Variants in ZNF384 observed in about 807,000 individuals in gnomAD.
ZNF384 encodes the protein zinc finger protein 384.
Under a neutral mutation model 65.0 loss-of-function variants are expected in ZNF384, and 20 were observed. That is an observed-to-expected ratio of 0.31 (90% CI 0.22 to 0.45). ZNF384 has a LOEUF of 0.45. Ranked by LOEUF, ZNF384 falls within the 20% of genes least tolerant of loss-of-function variation. The pLI is 1.00. For synonymous variants in ZNF384, 310 were observed against 303.9 expected (o/e 1.02, Z -0.21); for missense variants, 549 against 769.4 (o/e 0.71, Z 3.39).
In ZNF384 at chr12:6,667,840, G is replaced by A; in HGVS notation, c.1701C>T (p.Ser567=). Residue 567 remains serine (S), a synonymous_variant, in exon 12 of 12, where the codon AGC becomes AGT. Transcript: ENST00000683879. ...AACACTGGGGTGGAGGGTTGGGATT[G>A]CTGTCCCCACCACCCCCACCCTGGG... ...AAPQGGGGGD[S]NPNPPPQCSF... 1.2e-6 allele frequency: 2 copies of A among 1,614,216 alleles called. No homozygotes were observed. Among genetic ancestry groups the A allele is most frequent in the Non-Finnish European group, 1.7e-6 (2 of 1,180,036 alleles).
intron 2 of ZNF384, among the ~76,000 whole-genome samples, chr12:6,685,987 T>C (rs912394045): frequency 1.8e-4 from 27 of 152,310 alleles, no homozygotes; most frequent in Admixed American, 1.6e-3. Context: ...GAGCTTTGTC[T>C]ATCTGACCAC....
chr12:6,678,299 G>C lies in ZNF384; in HGVS notation c.514C>G (p.Leu172Val). 6.2e-7 allele frequency: 1 copy of C among 1,614,156 alleles called. No homozygotes were observed. Among genetic ancestry groups the C allele is most frequent in the Non-Finnish European group, 8.5e-7 (1 of 1,180,030 alleles). The part of the protein sequence containing the change: ...PDLSKKVAST[L>V]TEEGGGGGGG... ...CCACCTCCGCCTCCTTCCTCGGTTA[G>C]GGTCGATGCTACCTTCTTGGAGAGG... The change falls in exon 6 of 12, where the codon CTA (leucine) becomes GTA (valine). Residue 172 changes from leucine to valine, a missense_variant. Coordinates refer to ENST00000683879, the MANE Select transcript of ZNF384 (RefSeq NM_001385745.1). This position sits in a 1 kb window ranked among gnomAD's most constrained non-coding sequence, Gnocchi z 4.9.
chr12:6,679,401 G>A, intron 3 of ZNF384, 54 bp downstream of exon 3: 1 of 1,536,782 alleles, frequency 6.5e-7, no homozygotes, highest in Non-Finnish European at 9.0e-7. Context: ...AGTCTCCATA[G>A]TAACAGAACT....
chr12:6,667,106 GACC>G lies in ZNF384; in HGVS notation c.*605_*607del, dbSNP rs769455609. The G allele has an allele frequency of 4.3e-6, 1 of 235,262 alleles. No homozygotes were observed. Among genetic ancestry groups the G allele is most frequent in the Non-Finnish European group, 8.4e-6 (1 of 118,428 alleles). 14.6% of individuals were successfully genotyped at this position (235,262 alleles called of 1,614,324 possible). A position where few individuals can be genotyped will look rare whatever the true frequency, so the allele number is the denominator to read the frequency against. ...ACTTGGGAATTTCTGGCCCCTTGGG[GACC>G]ACATCTCAGCCCTTGCCCCCTTCAA... is the stretch of plus-strand genomic sequence containing the variant. On this transcript the variant is annotated 3_prime_UTR_variant, in exon 12 of 12. Coordinates refer to ENST00000683879, the MANE Select transcript of ZNF384 (RefSeq NM_001385745.1).
chr12:6,671,723 T>C (rs1443903479), intron 9 of ZNF384: 1 of 152,540 alleles, frequency 6.6e-6, no homozygotes, highest in Admixed American at 6.5e-5. Context: ...AGATCATCAC[T>C]TCTAGTTGGC....
chr12:6,682,693 C>A (rs1956476557), intron 2 of ZNF384, among the ~76,000 whole-genome samples: 1 of 152,116 alleles, frequency 6.6e-6, no homozygotes, highest in Non-Finnish European at 1.5e-5. Context: ...CGTTTTCAGG[C>A]AACAGAATCA....
Position 6,666,799 on chromosome 12 carries a change from T to A in ZNF384, c.*915A>T, listed in dbSNP as rs1230374313. 1 of 171,278 alleles carries A rather than the reference T, an allele frequency of 5.8e-6. No homozygotes were observed. The highest frequency in any genetic ancestry group is 2.4e-5 in the African/African-American group (1 of 41,608). The allele number at this position is 171,278 out of a possible 1,614,324, so 10.6% of individuals were successfully genotyped here. A position where few individuals can be genotyped will look rare whatever the true frequency, so the allele number is the denominator to read the frequency against. On this transcript the variant is annotated 3_prime_UTR_variant, in exon 12 of 12. Coordinates refer to ENST00000683879, the MANE Select transcript of ZNF384 (RefSeq NM_001385745.1). ...TTACAACAAAGATGGCCGTGATGAG[T>A]GAGTATAATATATTTATATATATAT...
At position 6,669,021 on chromosome 12, in the gene ZNF384, G is replaced by C; in HGVS notation, c.1425+10C>G. 1.1e-5 allele frequency: 18 copies of C among 1,594,826 alleles called. No individual in the cohort carries two copies. Among genetic ancestry groups the C allele is most frequent in the Non-Finnish European group, 1.5e-5 (18 of 1,166,758 alleles). Reference sequence around the variant, plus strand: ...ACTATGAGGAAGGAGAGAAGAAACGGAGCACTCACTGATGTGTATGCCCGA... The same window carrying C: ...ACTATGAGGAAGGAGAGAAGAAACGCAGCACTCACTGATGTGTATGCCCGA... On this transcript the variant is annotated intron_variant, in intron 11 of 11. Transcript: ENST00000683879.
At chr12:6,685,776 C>CAAAAAA (rs778337408) in intron 2 of ZNF384, among the ~76,000 whole-genome samples, 28 of 43,168 alleles carry the variant, frequency 6.5e-4, no homozygotes, top group African/African-American at 2.1e-3. Context: ...GACTCAGTCT[C>CAAAAAA]AAAAAAAAAA....
chr12:6,680,312 G>T (rs1185105574), intron 2 of ZNF384, among the ~76,000 whole-genome samples: 1 of 152,042 alleles, frequency 6.6e-6, no homozygotes, highest in Admixed American at 6.6e-5. Context: ...GTTCTGTGTA[G>T]TTTGAGAAGG....
chr12:6,672,619 T>C lies in ZNF384; in HGVS notation c.1005-87A>G. 7.3e-7 allele frequency: 1 copy of C among 1,373,506 alleles called. No homozygotes were observed. The highest frequency in any genetic ancestry group is 1.0e-6 in the Non-Finnish European group (1 of 995,996). 85.1% of individuals were successfully genotyped at this position (1,373,506 alleles called of 1,614,324 possible). A position where few individuals can be genotyped will look rare whatever the true frequency, so the allele number is the denominator to read the frequency against. ...TCTCTGCTGGGTGAAATGACGTTGC[T>C]TGACGGATGAGAGCACCCCCTTCCT... On this transcript the variant is annotated intron_variant, in intron 8 of 11. Coordinates refer to ENST00000683879, the MANE Select transcript of ZNF384 (RefSeq NM_001385745.1). This position sits in a 1 kb window ranked among gnomAD's most constrained non-coding sequence, Gnocchi z 4.4.
chr12:6,679,639 T>TG (rs1955149998), intron 2 of ZNF384, 114 bp from the exon 3 acceptor site: 2 of 763,506 alleles, frequency 2.6e-6, no homozygotes, highest in Non-Finnish European at 4.4e-6. Context: ...ATCACATGGC[T>TG]GGGGACTGGC....
chr12:6,686,519 G>A (rs562791063), intron 2 of ZNF384, among the ~76,000 whole-genome samples: 17 of 152,238 alleles, frequency 1.1e-4, no homozygotes, highest in Non-Finnish European at 2.5e-4. Context: ...CTCCCAAAGT[G>A]CTGAGATTAC....
At chr12:6,684,603 G>C (rs981479242) in intron 2 of ZNF384, among the ~76,000 whole-genome samples, 1 of 152,094 alleles carries the variant, frequency 6.6e-6, no homozygotes, top group African/African-American at 2.4e-5. Context: ...TCTGGTCCAA[G>C]GACAAGACAC....
At chr12:6,674,627 G>A (rs548778432) in intron 7 of ZNF384, among the ~76,000 whole-genome samples, 1 of 152,216 alleles carries the variant, frequency 6.6e-6, no homozygotes, top group Non-Finnish European at 1.5e-5. Context: ...TTGCAGGAGA[G>A]AGGGGGAGGC....
chr12:6,678,715 A>G lies in ZNF384; in HGVS notation c.305-5T>C. 6.2e-7 allele frequency: 1 copy of G among 1,613,940 alleles called. No homozygotes were observed. The highest frequency in any genetic ancestry group is 8.5e-7 in the Non-Finnish European group (1 of 1,179,934). Reference sequence around the variant, plus strand: ...ACCTCTGAGAACAGGAGACTCCTTGATTCAGAGAAGGAAAGAATGTCACCT... The same window carrying G: ...ACCTCTGAGAACAGGAGACTCCTTGGTTCAGAGAAGGAAAGAATGTCACCT... On this transcript the variant is annotated splice_region_variant and splice_polypyrimidine_tract_variant and intron_variant, in intron 4 of 11. Transcript: ENST00000683879. This position sits in a 1 kb window ranked among gnomAD's most constrained non-coding sequence, Gnocchi z 4.9.
At position 6,667,964 on chromosome 12, in the gene ZNF384, T is replaced by C. The variant is rs766619712; in HGVS notation, c.1577A>G (p.Gln526Arg). ...QAQAQAQAQA[Q>R]ASQASQQQQQ... ...CTGCTGCTGTGATGCCTGGGAGGCC[T>C]GGGCCTGGGCCTGGGCTTGAGCCTG... Residue 526 changes from glutamine (Q) to arginine (R), a missense_variant, in exon 12 of 12, where the codon CAG becomes CGG. Physicochemically the swap from Gln to Arg is conservative, Grantham distance 43. This residue lies in a region of ZNF384 where 136 missense variants were observed against 183.0 expected (regional missense o/e 0.74). Transcript: ENST00000683879. The C allele has an allele frequency of 1.2e-6, 2 of 1,611,520 alleles. No individual in the cohort carries two copies. Among genetic ancestry groups the C allele is most frequent in the South Asian group, 1.1e-5 (1 of 90,894 alleles).
At chr12:6,682,730 G>T (rs771024078) in intron 2 of ZNF384, among the ~76,000 whole-genome samples, 14 of 152,274 alleles carry the variant, frequency 9.2e-5, no homozygotes, top group Admixed American at 2.0e-4. Flanking sequence ...CAGTTTAAGA[G>T]AATTCAATCT....
intron 1 of ZNF384, 180 bp from the exon 2 acceptor site, chr12:6,688,406 C>G (rs1958730403): frequency 6.6e-6 from 1 of 152,236 alleles, no homozygotes; most frequent in South Asian, 2.1e-4. Context: ...TACGTGGATA[C>G]AAGAGAAATA....
Sources: gnomAD v4.1 joint callset for allele counts (sites outside exome capture counted in the v4.1 genomes callset) on GRCh38, gnomAD v4.1.1 for gene constraint, gnomAD v4.1.1 regional missense constraint, Gnocchi (gnomAD v3.1) non-coding constraint, MANE v1.5 for transcripts, NCBI Gene and HGNC (gene_info 2026-07-23, HGNC 2026-07-21) for gene names.